Variants in ABCA9 observed in about 807,000 individuals in gnomAD.
ABCA9 encodes the protein ATP-binding cassette sub-family A member 9.
A neutral mutation model predicts 205.3 loss-of-function variants in ABCA9; 183 were observed. The observed-to-expected ratio is 0.89, with a 90% CI of 0.79 to 1.01. ABCA9 has a LOEUF of 1.01. Ranked by LOEUF, ABCA9 falls within the 50% of genes least tolerant of loss-of-function variation. ABCA9 has a pLI of 0.00. For missense variants in ABCA9, 1,805 were observed against 1,912.4 expected (o/e 0.94, Z 1.05); for synonymous variants, 651 against 683.3 (o/e 0.95, Z 0.74).
chr17:69,050,799 A>G (rs1439407310), intron 2 of ABCA9, among the ~76,000 whole-genome samples: 1 of 152,136 alleles, frequency 6.6e-6, no homozygotes, highest in African/African-American at 2.4e-5. Context: ...CTGAATATGA[A>G]TTTTTAAAAA....
At chr17:69,051,251 G>A in intron 1 of ABCA9, 112 bp from the exon 2 acceptor site, 1 of 918,200 alleles carries the variant, frequency 1.1e-6, no homozygotes, top group South Asian at 2.3e-5. Flanking sequence ...TGCATTCCTG[G>A]AGAAGAAGAA....
the ABCA9 span, among the ~76,000 whole-genome samples, chr17:69,068,254 A>C: frequency 6.6e-6 from 1 of 152,186 alleles, no homozygotes; most frequent in Non-Finnish European, 1.5e-5. Flanking sequence ...GGAGTATTTT[A>C]TGCAAGTTTT....
At chr17:68,986,380 T>C (rs2069241074) in intron 31 of ABCA9, 56 bp from the exon 32 acceptor site, 2 of 1,515,708 alleles carry the variant, frequency 1.3e-6, no homozygotes, top group Non-Finnish European at 1.8e-6. Context: ...TATATGTATA[T>C]GCATGTAAGC....
chr17:69,041,389 C>T (rs2071530725), intron 6 of ABCA9, among the ~76,000 whole-genome samples: 1 of 152,014 alleles, frequency 6.6e-6, no homozygotes, highest in Admixed American at 6.6e-5. Context: ...GGTTATTTTT[C>T]TATAATTCTT....
chr17:68,989,490 T>C (rs148216198), intron 30 of ABCA9, among the ~76,000 whole-genome samples: 31 of 152,324 alleles, frequency 2.0e-4, no homozygotes, highest in African/African-American at 6.7e-4. Flanking sequence ...GAAAGCACTG[T>C]TATGCCTCCA....
chr17:69,005,397 G>A (rs1301797929), intron 25 of ABCA9, among the ~76,000 whole-genome samples: 4 of 152,142 alleles, frequency 2.6e-5, no homozygotes, highest in Non-Finnish European at 5.9e-5. Context: ...TCAGTCCAGA[G>A]CCCTGTAAAA....
Position 69,027,069 on chromosome 17 carries a change from T to C in ABCA9, c.1957A>G (p.Arg653Gly). ...EPTAGLDPLSRHRIWNLLKEG... is the reference protein window; with the variant it reads ...EPTAGLDPLSGHRIWNLLKEG... ...TTCAGGAGATTCCATATTCGGTGCC[T>C]TGAAAGAGGATCCAATCCAGCAGTC... The change falls in exon 15 of 39, where the codon AGG becomes GGG. Residue 653 changes from arginine (R) to glycine (G), a missense_variant. Arg to Gly is a moderately radical substitution (Grantham distance 125, BLOSUM62 -2). Coordinates refer to ENST00000340001, the MANE Select transcript of ABCA9 (RefSeq NM_080283.4). 1 of 1,614,154 alleles carries C rather than the reference T, an allele frequency of 6.2e-7. No homozygotes were observed. The highest frequency in any genetic ancestry group is 8.5e-7 in the Non-Finnish European group (1 of 1,180,000).
chr17:69,018,572 G>A lies in ABCA9; in HGVS notation c.2608C>T (p.Leu870Phe), dbSNP rs1425256530. 5.7e-6 allele frequency: 9 copies of A among 1,587,602 alleles called. No homozygotes were observed. The highest frequency in any genetic ancestry group is 1.2e-5 in the South Asian group (1 of 86,204). The part of the protein sequence containing the change: ...ERKSLWTILL[L>F]FGISFIPQLL... Reference sequence around the variant, plus strand: ...TGAGGGATAAAGCTAATACCAAAAAGCAATAATCTATGCAGAGGAAAATGT... The same window carrying A: ...TGAGGGATAAAGCTAATACCAAAAAACAATAATCTATGCAGAGGAAAATGT... The change falls in exon 20 of 39, where the codon CTT becomes TTT. Residue 870 changes from leucine (L) to phenylalanine (F), a missense_variant. By Grantham distance (22) the Leu-to-Phe change is conservative. Coordinates refer to ENST00000340001, the MANE Select transcript of ABCA9 (RefSeq NM_080283.4).
chr17:69,013,434 A>T (rs1312930794), intron 22 of ABCA9, among the ~76,000 whole-genome samples: 1 of 152,016 alleles, frequency 6.6e-6, no homozygotes, highest in Non-Finnish European at 1.5e-5. Context: ...GTTTGTGTAG[A>T]TAAGGCCCTG....
intron 23 of ABCA9, among the ~76,000 whole-genome samples, chr17:69,010,989 T>TAGA (rs2070352129): frequency 6.6e-6 from 1 of 152,154 alleles, no homozygotes; most frequent in Non-Finnish European, 1.5e-5. Flanking sequence ...ACTGTACATA[T>TAGA]AGAAGTCAAG....
At chr17:69,015,455 G>C (rs2070551609) in intron 22 of ABCA9, among the ~76,000 whole-genome samples, 2 of 152,236 alleles carry the variant, frequency 1.3e-5, no homozygotes, top group South Asian at 4.2e-4. Context: ...CTGCCTCTGG[G>C]CATCTAAGCA....
At chr17:69,029,447 A>G (rs1250319442) in intron 10 of ABCA9, among the ~76,000 whole-genome samples, 2 of 152,168 alleles carry the variant, frequency 1.3e-5, no homozygotes, top group Non-Finnish European at 2.9e-5. Context: ...TCCAAAATGA[A>G]CAGGCTAAAA....
Position 69,044,536 on chromosome 17 carries a change from A to T in ABCA9, c.534T>A (p.Phe178Leu), listed in dbSNP as rs1226771510. ...CEGSEFWEKG[F>L]VAFQAAINAA... ...CATTAATGGCAGCTTGAAAAGCTAC[A>T]AAGCCTTTCTCCCAGAACTCTGAAC... The change falls in exon 5 of 39, where the codon TTT (phenylalanine) becomes TTA (leucine). Residue 178 changes from phenylalanine to leucine, a missense_variant. Transcript: ENST00000340001. 6.2e-7 allele frequency: 1 copy of T among 1,613,278 alleles called. No individual in the cohort carries two copies. Among genetic ancestry groups the T allele is most frequent in the Admixed American group, 1.7e-5 (1 of 59,946 alleles).
At chr17:69,050,992 A>C (rs757579771) in intron 2 of ABCA9, 39 bp downstream of exon 2, 3 of 1,573,630 alleles carry the variant, frequency 1.9e-6, no homozygotes. Flanking sequence ...ATACTTTTTC[A>C]TCCTCTAAAT....
chr17:68,981,238 TTAA>T (rs1038172177), intron 37 of ABCA9, among the ~76,000 whole-genome samples: 4 of 152,200 alleles, frequency 2.6e-5, no homozygotes, highest in African/African-American at 9.7e-5. Flanking sequence ...ATGACTGTAG[TTAA>T]TAATAATTTA....
At chr17:69,029,410 C>A (rs534502311) in intron 10 of ABCA9, among the ~76,000 whole-genome samples, 183 bp from the exon 11 acceptor site, 28 of 152,158 alleles carry the variant, frequency 1.8e-4, no homozygotes, top group African/African-American at 6.7e-4. Flanking sequence ...CCCAGGGCAA[C>A]TAATTAGAAG....
At chr17:69,014,185 C>A (rs1262629931) in intron 22 of ABCA9, among the ~76,000 whole-genome samples, 2 of 152,136 alleles carry the variant, frequency 1.3e-5, no homozygotes, top group Non-Finnish European at 2.9e-5. Flanking sequence ...AATCTGAAAT[C>A]TGAAATGCTC....
At position 69,033,798 on chromosome 17, in the gene ABCA9, T is replaced by A; in HGVS notation, c.1204A>T (p.Thr402Ser). 2 of 1,609,144 alleles carry A rather than the reference T, an allele frequency of 1.2e-6. No homozygotes were observed. The highest frequency in any genetic ancestry group is 1.7e-6 in the Non-Finnish European group (2 of 1,176,146). Residue 402 changes from threonine to serine, a missense_variant, in exon 9 of 39, where the codon ACT (threonine) becomes TCT (serine). Coordinates refer to ENST00000340001, the MANE Select transcript of ABCA9 (RefSeq NM_080283.4). ...SSQNPYLIIATLFMLVFDTLL... is the reference protein window; with the variant it reads ...SSQNPYLIIASLFMLVFDTLL... ...GTGTCAAAAACCAACATGAAAAGAG[T>A]AGCTATTATGAGGTATGGATTTTGT... is the stretch of plus-strand genomic sequence containing the variant.
At chr17:68,979,693 T>C in intron 37 of ABCA9, among the ~76,000 whole-genome samples, 2 of 152,138 alleles carry the variant, frequency 1.3e-5, no homozygotes, top group Non-Finnish European at 2.9e-5. Context: ...AAATGATTCC[T>C]TATTTAATAA....
Sources: gnomAD v4.1 joint callset for allele counts (sites outside exome capture counted in the v4.1 genomes callset) on GRCh38, gnomAD v4.1.1 for gene constraint, MANE v1.5 for transcripts, NCBI Gene and HGNC (gene_info 2026-07-23, HGNC 2026-07-21) for gene names.